Variants in C8orf88 observed in about 807,000 individuals in gnomAD.
C8orf88 encodes the protein uncharacterized protein C8orf88.
A neutral mutation model predicts 18.4 loss-of-function variants in C8orf88; 14 were observed. That is an observed-to-expected ratio of 0.76 (90% CI 0.50 to 1.19). C8orf88 has a LOEUF of 1.19. C8orf88 is among the 50% of genes most tolerant of loss of function. The pLI is 0.00. For missense variants in C8orf88, 116 were observed against 134.7 expected (o/e 0.86, Z 0.69); for synonymous variants, 45 against 42.9 (o/e 1.05, Z -0.19).
intron 1 of C8orf88, among the ~76,000 whole-genome samples, chr8:90,983,126 G>A (rs918926919): frequency 3.3e-5 from 5 of 152,106 alleles, no homozygotes; most frequent in Non-Finnish European, 5.9e-5. Flanking sequence ...TCATATCAAC[G>A]ATTCAAAGCA....
At chr8:90,962,869 G>C (rs1216952577) in intron 4 of C8orf88, among the ~76,000 whole-genome samples, 1 of 151,416 alleles carries the variant, frequency 6.6e-6, no homozygotes, top group African/African-American at 2.4e-5. Context: ...ATAACAATTG[G>C]AGCAAACATT....
intron 4 of C8orf88, among the ~76,000 whole-genome samples, chr8:90,963,221 T>C (rs1811151894): frequency 6.6e-6 from 1 of 151,628 alleles, no homozygotes; most frequent in African/African-American, 2.4e-5. Context: ...ACCACTAAGA[T>C]AACAGAACAG....
intron 1 of C8orf88, among the ~76,000 whole-genome samples, chr8:90,984,036 C>T (rs1811471170): frequency 6.6e-6 from 1 of 152,168 alleles, no homozygotes; most frequent in Non-Finnish European, 1.5e-5. Context: ...GTGCTTTCCT[C>T]ACGCTACAGA....
intron 2 of C8orf88, 49 bp downstream of exon 2, chr8:90,980,314 T>G: frequency 7.2e-6 from 8 of 1,106,288 alleles, no homozygotes; most frequent in Non-Finnish European, 9.8e-6. Context: ...AAATACTAAT[T>G]AGTCATTAAC....
At chr8:90,976,644 A>G (rs1429080227) in intron 3 of C8orf88, among the ~76,000 whole-genome samples, 1 of 152,044 alleles carries the variant, frequency 6.6e-6, no homozygotes, top group Non-Finnish European at 1.5e-5. Flanking sequence ...AACAGAATAA[A>G]GAGCCCAGAA....
Position 90,971,088 on chromosome 8 carries a change from T to C in C8orf88, c.201A>G (p.Gln67=), listed in dbSNP as rs774920958. Residue 67 remains glutamine, a synonymous_variant, in exon 4 of 6, where the codon CAA becomes CAG. Coordinates refer to ENST00000517562, the MANE Select transcript of C8orf88 (RefSeq NM_001190972.2). ...TACCTTTCTTAACTGGAGACTGCTG[T>C]TGCTGTTGCTCATTAAGACCTTGAG... ...AFSQGLNEQQ[Q]QQSPVKKERI... is the part of the protein sequence containing the mutation. 4.6e-6 allele frequency: 7 copies of C among 1,518,894 alleles called. No individual in the cohort carries two copies. The South Asian group carries it at 6.2e-5, about 13-fold the overall frequency. The allele number at this position is 1,518,894 out of a possible 1,614,324, so 94.1% of individuals were successfully genotyped here. A position where few individuals can be genotyped will look rare whatever the true frequency, so the allele number is the denominator to read the frequency against.
At chr8:90,980,539 C>CT (rs1811417942) in intron 1 of C8orf88, 78 bp from the exon 2 acceptor site, 2 of 564,532 alleles carry the variant, frequency 3.5e-6, no homozygotes, top group Non-Finnish European at 5.9e-6. Flanking sequence ...ATAACTACAT[C>CT]TTTTTTTAAG....
intron 4 of C8orf88, among the ~76,000 whole-genome samples, chr8:90,963,444 G>C (rs1811154567): frequency 6.6e-6 from 1 of 150,644 alleles, no homozygotes; most frequent in South Asian, 2.1e-4. Context: ...AAAGAATGAA[G>C]AAAGGATGGG....
chr8:90,977,627 T>G (rs571362527), intron 3 of C8orf88, among the ~76,000 whole-genome samples: 142 of 152,258 alleles, frequency 9.3e-4, no homozygotes, highest in African/African-American at 3.3e-3. Flanking sequence ...TGTGCATGCA[T>G]AGTCTATTCC....
chr8:90,970,949 C>A lies in C8orf88; in HGVS notation c.223+117G>T, dbSNP rs950754574. 21 of 572,426 alleles carry A rather than the reference C, an allele frequency of 3.7e-5. No individual in the cohort carries two copies. In the South Asian group the frequency reaches 6.1e-4, roughly 17 times the overall value. The allele number at this position is 572,426 out of a possible 1,614,324, so 35.5% of individuals were successfully genotyped here. On this transcript the variant is annotated intron_variant, in intron 4 of 5. Coordinates refer to ENST00000517562, the MANE Select transcript of C8orf88 (RefSeq NM_001190972.2). ...CTGACTCATATAGATAGAAATCAAT[C>A]AAAAAATATATAATAAAATTTCATA...
chr8:90,978,734 A>G, intron 2 of C8orf88, 82 bp from the exon 3 acceptor site: 1 of 757,004 alleles, frequency 1.3e-6, no homozygotes, highest in South Asian at 2.1e-5. Flanking sequence ...TAAGTATCCA[A>G]GATATTCTTG....
At chr8:90,985,383 G>A (rs1811495370), upstream of C8orf88, 1 of 152,094 alleles carries the variant, frequency 6.6e-6, no homozygotes, top group Non-Finnish European at 1.5e-5. Flanking sequence ...CCCTGCCGGG[G>A]TAGAACCGTT....
At chr8:90,985,380 G>A (rs963395485), upstream of C8orf88, 1 of 151,982 alleles carries the variant, frequency 6.6e-6, no homozygotes, top group African/African-American at 2.4e-5. Context: ...CACCCCTGCC[G>A]GGGTAGAACC....
chr8:90,971,326 A>G lies in C8orf88; in HGVS notation c.148-185T>C, dbSNP rs530401329. Among the ~76,000 whole-genome samples the G allele has an allele frequency of 2.0e-4, 30 of 151,620 alleles. No individual in the cohort carries two copies. In the South Asian group the frequency reaches 6.0e-3, roughly 30 times the overall value. On this transcript the variant is annotated intron_variant, in intron 3 of 5. Coordinates refer to ENST00000517562, the MANE Select transcript of C8orf88 (RefSeq NM_001190972.2). ...AACATCTTTCAAAATATATTCACAT[A>G]TATCTACAGTTTTTTTGGCATTATT...
intron 3 of C8orf88, among the ~76,000 whole-genome samples, chr8:90,972,113 C>T (rs1208760911): frequency 1.3e-5 from 2 of 151,996 alleles, no homozygotes; most frequent in Non-Finnish European, 2.9e-5. Flanking sequence ...ATCTCTGCTC[C>T]ATCAATCATT....
In C8orf88 at chr8:90,959,960, T is replaced by G. The variant is rs1311751758; in HGVS notation, c.330+782A>C. ...TATCATACTCAGTAATCTCATGCATTATTTTATTAATCCTAACAGCCAGAG... is the reference window on the plus strand; with the variant it reads ...TATCATACTCAGTAATCTCATGCATGATTTTATTAATCCTAACAGCCAGAG... On this transcript the variant is annotated intron_variant, in intron 5 of 5. Transcript: ENST00000517562. Among the ~76,000 whole-genome samples, 4 of 151,466 alleles carry G rather than the reference T, an allele frequency of 2.6e-5. No individual in the cohort carries two copies. The Admixed American group carries it at 2.6e-4, about 10-fold the overall frequency.
intron 4 of C8orf88, among the ~76,000 whole-genome samples, chr8:90,963,590 TTAAA>T (rs1019788471): frequency 2.2e-4 from 34 of 151,814 alleles, no homozygotes; most frequent in Admixed American, 1.4e-3. Context: ...GAGTGTCTCA[TTAAA>T]TAGAGAACAT....
chr8:90,972,754 G>C (rs1811300886), intron 3 of C8orf88, among the ~76,000 whole-genome samples: 1 of 152,008 alleles, frequency 6.6e-6, no homozygotes, highest in African/African-American at 2.4e-5. Flanking sequence ...ACACAGATAA[G>C]AAACAGCTGA....
rs1447861576 is a variant in C8orf88 at position 90,958,714 on chromosome 8, C to T, written c.*293G>A. On this transcript the variant is annotated 3_prime_UTR_variant, in exon 6 of 6. Coordinates refer to ENST00000517562, the MANE Select transcript of C8orf88 (RefSeq NM_001190972.2). ...TTCCATTATTACAAGTGATGAAAAA[C>T]AAAAAATTGCAAGTAGTATGCAAAT... The T allele has an allele frequency of 6.9e-6, 2 of 287,846 alleles. No individual in the cohort carries two copies. The highest frequency in any genetic ancestry group is 2.2e-5 in the African/African-American group (1 of 44,456). The allele number at this position is 287,846 out of a possible 1,614,324, so 17.8% of individuals were successfully genotyped here.
Sources: gnomAD v4.1 joint callset for allele counts (sites outside exome capture counted in the v4.1 genomes callset) on GRCh38, gnomAD v4.1.1 for gene constraint, MANE v1.5 for transcripts, NCBI Gene and HGNC (gene_info 2026-07-23, HGNC 2026-07-21) for gene names.